Variants in MYO5B observed in about 807,000 individuals in gnomAD.
MYO5B encodes the protein myosin VB.
A neutral mutation model predicts 229.3 loss-of-function variants in MYO5B; 143 were observed. That is an observed-to-expected ratio of 0.62 (90% CI 0.54 to 0.72). MYO5B has a LOEUF of 0.72. Among genes scored for constraint, MYO5B ranks in the 30% least tolerant of loss-of-function variants. The pLI is 0.00. For synonymous variants in MYO5B, 918 were observed against 885.2 expected, an observed-to-expected ratio of 1.04 and a Z score of -0.66; for missense variants, 2,321 against 2,331.0, an observed-to-expected ratio of 1.00 and a Z score of 0.09.
At chr18:49,850,043 T>TA in intron 31 of MYO5B, 1 of 344,482 alleles carries the variant, frequency 2.9e-6, no homozygotes, top group African/African-American at 2.1e-5. Context: ...CGGACAGGTG[T>TA]GAGAATGCAG....
chr18:49,918,738 G>C (rs16951224), intron 17 of MYO5B, among the ~76,000 whole-genome samples: 8,906 of 152,296 alleles, frequency 0.058, 668 homozygotes, highest in African/African-American at 0.17. Context: ...CCAACAGGCT[G>C]TCTCTGGATA....
chr18:50,171,869 C>A (rs187079842), intron 1 of MYO5B, among the ~76,000 whole-genome samples: 2 of 127,966 alleles, frequency 1.6e-5, no homozygotes, highest in African/African-American at 5.9e-5. Flanking sequence ...CCAGAAGAGG[C>A]TCCTCATATA....
intron 39 of MYO5B, among the ~76,000 whole-genome samples, chr18:49,832,026 T>C (rs2023929072): frequency 6.6e-6 from 1 of 152,208 alleles, no homozygotes; most frequent in African/African-American, 2.4e-5. Flanking sequence ...ATCTAGAATT[T>C]ACATATAGAA....
At chr18:50,051,841 G>A (rs2030401994) in intron 2 of MYO5B, among the ~76,000 whole-genome samples, 1 of 152,224 alleles carries the variant, frequency 6.6e-6, no homozygotes, top group African/African-American at 2.4e-5. Context: ...CAGAGACAGA[G>A]TAGAAAGGAG....
intron 1 of MYO5B, among the ~76,000 whole-genome samples, chr18:50,119,510 G>A (rs564585058): frequency 6.6e-5 from 10 of 152,188 alleles, no homozygotes; most frequent in Middle Eastern, 3.4e-3. Context: ...TATCCAGTTC[G>A]CATGACAGGG....
chr18:50,019,114 C>T (rs551468484), intron 4 of MYO5B, among the ~76,000 whole-genome samples: 12 of 152,246 alleles, frequency 7.9e-5, no homozygotes, highest in African/African-American at 2.9e-4. Flanking sequence ...TCACAACTGA[C>T]CACTAAATGA....
At chr18:50,183,000 C>T (rs950284971) in intron 1 of MYO5B, among the ~76,000 whole-genome samples, 4 of 152,130 alleles carry the variant, frequency 2.6e-5, no homozygotes, top group African/African-American at 9.7e-5. Context: ...CACTCAACCA[C>T]CAATTGCGTA....
intron 22 of MYO5B, among the ~76,000 whole-genome samples, chr18:49,891,711 G>A (rs1320743795): frequency 1.5e-5 from 2 of 132,368 alleles, no homozygotes; most frequent in African/African-American, 2.6e-5. Flanking sequence ...CCTTTGGGGA[G>A]AAGGCTCAAC....
intron 22 of MYO5B, among the ~76,000 whole-genome samples, chr18:49,880,889 G>C (rs972243827): frequency 6.6e-6 from 1 of 152,166 alleles, no homozygotes; most frequent in African/African-American, 2.4e-5. Flanking sequence ...GGTTTGCTGA[G>C]TGCAATCACT....
chr18:49,902,733 T>C lies in MYO5B; in HGVS notation c.2672A>G (p.Gln891Arg), dbSNP rs2024856209. The C allele has an allele frequency of 6.2e-7, 1 of 1,609,666 alleles. No individual in the cohort carries two copies. Among genetic ancestry groups the C allele is most frequent in the African/African-American group, 1.3e-5 (1 of 74,944 alleles). ...QRLRDAAIVI[Q>R]CAFRMLKARR... ...GGCCTTGAGCATCCGGAAGGCACACTGGATGACAATGGCTGCATCCCGCAG... is the reference window on the plus strand; with the variant it reads ...GGCCTTGAGCATCCGGAAGGCACACCGGATGACAATGGCTGCATCCCGCAG... Residue 891 changes from glutamine (Q) to arginine (R), a missense_variant, in exon 21 of 40, where the codon CAG becomes CGG. By Grantham distance (43) the Gln-to-Arg change is conservative. Around this residue, in one of 2 missense-constraint regions of MYO5B, gnomAD observed 2,113 missense variants for 2,044.7 expected, o/e 1.03. Coordinates refer to ENST00000285039, the MANE Select transcript of MYO5B (RefSeq NM_001080467.3).
chr18:50,018,981 T>A (rs1249659393), intron 4 of MYO5B, among the ~76,000 whole-genome samples: 1 of 152,202 alleles, frequency 6.6e-6, no homozygotes. Context: ...CCAGTCTACA[T>A]GATTGCCCAC....
chr18:49,974,465 C>T lies in MYO5B; in HGVS notation c.1207G>A (p.Ala403Thr), dbSNP rs529555831. 11 of 1,614,152 alleles carry T rather than the reference C, an allele frequency of 6.8e-6. No individual in the cohort carries two copies. Among genetic ancestry groups the T allele is most frequent in the African/African-American group, 2.7e-5 (2 of 75,040 alleles). ...SLQQVINARN[A>T]LAKHIYAQLF... ...TGGGCATAGATGTGCTTCGCCAGGG[C>T]GTTGCGCGCATTGATCACCTGCTGC... The change falls in exon 10 of 40, where the codon GCC becomes ACC. Residue 403 changes from alanine to threonine, a missense_variant. Physicochemically the swap from Ala to Thr is moderately conservative, Grantham distance 58 (BLOSUM62 0). This residue lies in a region of MYO5B where 2,113 missense variants were observed against 2,044.7 expected (regional missense o/e 1.03). Transcript: ENST00000285039.
At chr18:49,929,705 C>A in intron 16 of MYO5B, 107 bp from the exon 17 acceptor site, 1 of 993,516 alleles carries the variant, frequency 1.0e-6, no homozygotes, top group Non-Finnish European at 1.5e-6. Flanking sequence ...GAAGTACCTG[C>A]TGCCACTGAG....
In MYO5B at chr18:50,184,046, C is replaced by A. The variant is rs1222260817; in HGVS notation, c.27+10721G>T. Among the ~76,000 whole-genome samples the A allele has an allele frequency of 2.0e-5, 3 of 152,188 alleles. No homozygotes were observed. In the South Asian group the frequency reaches 6.2e-4, roughly 32 times the overall value. On this transcript the variant is annotated intron_variant, in intron 1 of 39. Coordinates refer to ENST00000285039, the MANE Select transcript of MYO5B (RefSeq NM_001080467.3). ...CCTACAGAACTGTGAGCTAAATAAA[C>A]CTTTTTAAAATAAATTACCTAGTCT...
intron 2 of MYO5B, among the ~76,000 whole-genome samples, chr18:50,047,359 T>C (rs1360976019): frequency 6.6e-6 from 1 of 152,170 alleles, no homozygotes; most frequent in African/African-American, 2.4e-5. Flanking sequence ...TCACTGGCCA[T>C]CAGAGAAATG....
At chr18:49,936,584 T>C (rs546599249) in intron 15 of MYO5B, among the ~76,000 whole-genome samples, 77 of 152,144 alleles carry the variant, frequency 5.1e-4, no homozygotes, top group Non-Finnish European at 1.0e-3. Flanking sequence ...GGGGACAGAC[T>C]ACCCCCTAAT....
Position 50,099,802 on chromosome 18 carries a change from C to T in MYO5B, c.28-44424G>A, listed in dbSNP as rs777675350. On this transcript the variant is annotated intron_variant, in intron 1 of 39. Coordinates refer to ENST00000285039, the MANE Select transcript of MYO5B (RefSeq NM_001080467.3). ...ACTTATGTTCCCCCTGTAAAGCCAA[C>T]TGGCTTCGTTGATGCCAATGGGCAC... Among the ~76,000 whole-genome samples, 3 of 152,338 alleles carry T rather than the reference C, an allele frequency of 2.0e-5. No individual in the cohort carries two copies. In the East Asian group the frequency reaches 5.8e-4, roughly 29 times the overall value.
chr18:49,994,920 C>T (rs2025971096), intron 5 of MYO5B, among the ~76,000 whole-genome samples: 1 of 152,156 alleles, frequency 6.6e-6, no homozygotes, highest in African/African-American at 2.4e-5. Context: ...GGGCTGGGCC[C>T]CTTATAATCT....
intron 39 of MYO5B, among the ~76,000 whole-genome samples, chr18:49,830,987 A>C (rs80292227): frequency 1.6e-4 from 24 of 151,268 alleles, no homozygotes; most frequent in East Asian, 9.8e-4. Context: ...AAAAAAAAAA[A>C]CCCTCATATT....
Sources: gnomAD v4.1 joint callset for allele counts (sites outside exome capture counted in the v4.1 genomes callset) on GRCh38, gnomAD v4.1.1 for gene constraint, gnomAD v4.1.1 regional missense constraint, MANE v1.5 for transcripts, NCBI Gene and HGNC (gene_info 2026-07-23, HGNC 2026-07-21) for gene names.